The following CDIN1 variants were observed in gnomAD, a reference collection of about 807,000 sequenced individuals.
CDIN1 encodes the protein CDAN1-interacting nuclease 1.
CDIN1 carries 33 observed loss-of-function variants against 45.3 expected under a neutral mutation model. The observed-to-expected ratio is 0.73, with a 90% CI of 0.55 to 0.97. CDIN1 has a LOEUF of 0.97. CDIN1 is among the 50% of genes least tolerant of loss of function. The pLI, the probability that CDIN1 is intolerant of heterozygous loss-of-function variation, is 0.00. For synonymous variants in CDIN1, 118 were observed against 124.4 expected (o/e 0.95, Z 0.34); for missense variants, 303 against 339.4 (o/e 0.89, Z 0.84).
At chr15:36,669,875 T>A (rs182549541) in intron 5 of CDIN1, among the ~76,000 whole-genome samples, 58 of 152,184 alleles carry the variant, frequency 3.8e-4, no homozygotes, top group Admixed American at 3.1e-3. Context: ...TTATCACTGG[T>A]TATGTTAACC....
intron 1 of CDIN1, chr15:36,617,996 C>G: frequency 1.3e-6 from 1 of 786,542 alleles, no homozygotes; most frequent in Non-Finnish European, 2.3e-6. Flanking sequence ...GTATGCCTCC[C>G]CAGTCTTTAT....
chr15:36,740,843 C>T (rs369644822), intron 10 of CDIN1, among the ~76,000 whole-genome samples: 24 of 151,136 alleles, frequency 1.6e-4, no homozygotes, highest in Non-Finnish European at 2.1e-4. Context: ...GAGCTGAGAT[C>T]GCACCATTGC....
intron 1 of CDIN1, chr15:36,641,626 T>C (rs2040111397): frequency 6.6e-6 from 1 of 152,248 alleles, no homozygotes; most frequent in Non-Finnish European, 1.5e-5. Context: ...TAAAACCCCA[T>C]ATATGCTAAG....
In CDIN1 at chr15:36,606,024, G is replaced by GT. The variant is rs567452710; in HGVS notation, c.101+26073dup. The stretch of plus-strand genomic sequence containing the variant: ...TCATTAGCGTGCTTGAGGACAAGGA[G>GT]TTTTTTTTTTGTTTTTTGTTTTGAC... On this transcript the variant is annotated intron_variant, in intron 1 of 10. Coordinates refer to ENST00000566621, the MANE Select transcript of CDIN1 (RefSeq NM_001321759.2). Among the ~76,000 whole-genome samples the GT allele has an allele frequency of 6.1e-3, 904 of 148,238 alleles. 3 individuals carry two copies. The highest frequency in any genetic ancestry group is 0.012 in the African/African-American group (500 of 40,466).
intron 1 of CDIN1, among the ~76,000 whole-genome samples, chr15:36,643,979 TTTAACACCATTGCATTC>T (rs2040212635): frequency 2.6e-5 from 4 of 152,256 alleles, no homozygotes; most frequent in Admixed American, 6.5e-5. Context: ...TGTGGTCCCT[TTTAACACCATTGCATTC>T]TACAAATATG....
At chr15:36,673,095 A>G (rs1183470498) in intron 5 of CDIN1, among the ~76,000 whole-genome samples, 1 of 152,072 alleles carries the variant, frequency 6.6e-6, no homozygotes, top group Non-Finnish European at 1.5e-5. Context: ...CTTCTCTGGG[A>G]TGGCACTGGG....
chr15:36,703,250 A>T (rs1198137367), intron 8 of CDIN1, among the ~76,000 whole-genome samples: 1 of 75,116 alleles, frequency 1.3e-5, no homozygotes, highest in Non-Finnish European at 2.7e-5. Flanking sequence ...TATATATATC[A>T]GAAAGGGATA....
At chr15:36,760,551 G>T (rs1407452629) in intron 10 of CDIN1, among the ~76,000 whole-genome samples, 2 of 152,108 alleles carry the variant, frequency 1.3e-5, no homozygotes, top group African/African-American at 4.8e-5. Context: ...TATTTTAGAG[G>T]CAAAGAAAGG....
At chr15:36,591,613 T>A (rs1049202675) in intron 1 of CDIN1, among the ~76,000 whole-genome samples, 7 of 152,256 alleles carry the variant, frequency 4.6e-5, no homozygotes, top group African/African-American at 1.7e-4. Flanking sequence ...TTTATTTGCA[T>A]GTTGGTGGGT....
intron 5 of CDIN1, among the ~76,000 whole-genome samples, chr15:36,682,767 C>CAAAAAAAAAAAAAAA (rs10706117): frequency 1.6e-5 from 1 of 61,384 alleles, no homozygotes; most frequent in African/African-American, 6.3e-5. Context: ...AAGACCCTGC[C>CAAAAAAAAAAAAAAA]AAAAAAAAAA....
chr15:36,719,429 A>T (rs76219235), intron 10 of CDIN1, among the ~76,000 whole-genome samples: 2 of 152,132 alleles, frequency 1.3e-5, no homozygotes, highest in African/African-American at 2.4e-5. Flanking sequence ...ATACTGATTG[A>T]TATTTTAATG....
intron 10 of CDIN1, among the ~76,000 whole-genome samples, chr15:36,800,909 G>GTGTATA (rs1156514805): frequency 1.3e-3 from 28 of 22,384 alleles, no homozygotes; most frequent in South Asian, 8.5e-3. Context: ...GTGTGTGTGT[G>GTGTATA]TATATATATA....
chr15:36,765,057 C>T (rs375425435), intron 10 of CDIN1, among the ~76,000 whole-genome samples: 4 of 139,634 alleles, frequency 2.9e-5, no homozygotes, highest in African/African-American at 2.6e-5. Context: ...ATTTTTCTTT[C>T]TTTCTTTTTT....
rs6495842 is a variant in CDIN1 at position 36,580,168 on chromosome 15, T to C, written c.101+207T>C. ...CTTAACGGTGAGTTCATGGCAGCCT[T>C]CCAAGGCCTTGCAATTAAATTCAAG... On this transcript the variant is annotated intron_variant, in intron 1 of 10. Transcript: ENST00000566621. 0.85 allele frequency among the ~76,000 whole-genome samples: 128,940 copies of C among 152,252 alleles called. 54,789 individuals carry two copies. Among genetic ancestry groups the C allele is most frequent in the Middle Eastern group, 0.96 (282 of 294 alleles).
chr15:36,603,444 G>A (rs2038209709), intron 1 of CDIN1, among the ~76,000 whole-genome samples: 1 of 152,124 alleles, frequency 6.6e-6, no homozygotes, highest in Non-Finnish European at 1.5e-5. Context: ...GCTTAGAAAG[G>A]GAGACTATAG....
chr15:36,664,586 C>T (rs947862000), intron 5 of CDIN1, among the ~76,000 whole-genome samples: 6 of 151,882 alleles, frequency 4.0e-5, no homozygotes, highest in Non-Finnish European at 7.4e-5. Context: ...CTCGCTCTGT[C>T]GCCAGGCTGG....
intron 1 of CDIN1, among the ~76,000 whole-genome samples, chr15:36,621,572 G>A (rs1415665774): frequency 6.6e-6 from 1 of 151,992 alleles, no homozygotes; most frequent in Non-Finnish European, 1.5e-5. Context: ...GGAAGTTTAG[G>A]TCCTTTAAAA....
chr15:36,691,749 A>G lies in CDIN1; in HGVS notation c.411A>G (p.Ala137=). Residue 137 remains alanine, a synonymous_variant, in exon 6 of 11, where the codon GCA becomes GCG. Coordinates refer to ENST00000566621, the MANE Select transcript of CDIN1 (RefSeq NM_001321759.2). The part of the protein sequence containing the change: ...DPSQIPDGVL[A]NQVYQCIVND... ...CTCAGATTCCAGATGGAGTTCTAGC[A>G]AATCAGGTCTATCAGGTATTAATCA... The G allele has an allele frequency of 6.3e-7, 1 of 1,599,284 alleles. No individual in the cohort carries two copies. The highest frequency in any genetic ancestry group is 8.5e-7 in the Non-Finnish European group (1 of 1,170,948).
chr15:36,762,478 TTTTG>T (rs202230263), intron 10 of CDIN1, among the ~76,000 whole-genome samples: 6,518 of 152,088 alleles, frequency 0.043, 391 homozygotes, highest in African/African-American at 0.13. Flanking sequence ...TGTTGTTTTG[TTTTG>T]TTTGTTTGTT....
Sources: allele counts gnomAD v4.1 joint callset (sites outside exome capture counted in the v4.1 genomes callset), GRCh38; gene constraint gnomAD v4.1.1; transcripts MANE v1.5; gene names NCBI Gene and HGNC (gene_info 2026-07-23, HGNC 2026-07-21).